The following ANO4 variants were observed in gnomAD, a reference collection of about 807,000 sequenced individuals.
ANO4 encodes the protein anoctamin 4.
ANO4 carries 69 observed loss-of-function variants against 141.9 expected under a neutral mutation model. That is an observed-to-expected ratio of 0.49 (90% CI 0.40 to 0.59). The LOEUF is 0.59. ANO4 is among the 20% of genes least tolerant of loss of function. The pLI, the probability that ANO4 is intolerant of heterozygous loss-of-function variation, is 0.00. For synonymous variants in ANO4, 350 were observed against 394.3 expected (o/e 0.89, Z 1.33); for missense variants, 894 against 1,162.2 (o/e 0.77, Z 3.36).
chr12:101,050,545 A>T (rs961255087), intron 14 of ANO4, among the ~76,000 whole-genome samples: 2 of 152,226 alleles, frequency 1.3e-5, no homozygotes, highest in African/African-American at 4.8e-5. Context: ...TATAATGCTT[A>T]AGCTTTGCCA....
At chr12:101,053,626 T>C (rs1423409199) in intron 14 of ANO4, among the ~76,000 whole-genome samples, 1 of 152,202 alleles carries the variant, frequency 6.6e-6, no homozygotes. Context: ...CCCGTGTCTC[T>C]GTGTCTTCAC....
At chr12:100,901,098 A>G (rs1045648057) in intron 1 of ANO4, among the ~76,000 whole-genome samples, 1 of 152,206 alleles carries the variant, frequency 6.6e-6, no homozygotes, top group Non-Finnish European at 1.5e-5. Context: ...GCAAATCAAC[A>G]ACAAAGGGAG....
intron 14 of ANO4, among the ~76,000 whole-genome samples, chr12:101,050,524 C>T (rs559684295): frequency 6.6e-6 from 1 of 152,210 alleles, no homozygotes; most frequent in African/African-American, 2.4e-5. Flanking sequence ...CACCGTGATT[C>T]GGATAAGCCA....
intron 22 of ANO4, among the ~76,000 whole-genome samples, chr12:101,103,180 ATTTTAT>A (rs2050263222): frequency 5.2e-5 from 1 of 19,330 alleles, no homozygotes; most frequent in African/African-American, 2.2e-4. Context: ...CTTTTTAGTC[ATTTTAT>A]ATATATATAT....
chr12:101,078,023 T>A (rs2049094843), intron 14 of ANO4, among the ~76,000 whole-genome samples: 1 of 152,154 alleles, frequency 6.6e-6, no homozygotes, highest in Non-Finnish European at 1.5e-5. Flanking sequence ...TATCTATCAC[T>A]CTAGACTGTC....
At chr12:100,732,844 T>C (rs2031437408) in intron 1 of ANO4, among the ~76,000 whole-genome samples, 1 of 152,186 alleles carries the variant, frequency 6.6e-6, no homozygotes, top group Admixed American at 6.5e-5. Context: ...GTGCACGAAA[T>C]GTTGTGGGTG....
intron 9 of ANO4, among the ~76,000 whole-genome samples, chr12:101,034,142 A>G (rs1415051986): frequency 6.6e-6 from 1 of 152,216 alleles, no homozygotes; most frequent in Non-Finnish European, 1.5e-5. Context: ...TACTGGGTGT[A>G]TACCTAAAGG....
At chr12:100,941,646 G>T (rs779603118) in intron 4 of ANO4, among the ~76,000 whole-genome samples, 7 of 152,002 alleles carry the variant, frequency 4.6e-5, no homozygotes, top group Non-Finnish European at 8.8e-5. Context: ...AAGTAATGTT[G>T]CCATGAATAT....
chr12:100,800,371 T>C (rs180878838), intron 1 of ANO4, among the ~76,000 whole-genome samples: 3 of 152,334 alleles, frequency 2.0e-5, no homozygotes, highest in African/African-American at 4.8e-5. Flanking sequence ...AGTCTACTTA[T>C]ACTTCATGGA....
chr12:100,977,336 T>C (rs1348732746), intron 7 of ANO4, among the ~76,000 whole-genome samples: 1 of 152,164 alleles, frequency 6.6e-6, no homozygotes, highest in Non-Finnish European at 1.5e-5. Flanking sequence ...AGTCATTTTC[T>C]CCATTTATAT....
intron 1 of ANO4, among the ~76,000 whole-genome samples, chr12:100,896,137 C>T (rs1045404529): frequency 6.6e-6 from 1 of 152,094 alleles, no homozygotes. Flanking sequence ...TAATGGCTCC[C>T]AAATATCTGT....
At position 100,780,173 on chromosome 12, in the gene ANO4, C is replaced by T. The variant is rs140428354; in HGVS notation, c.358+40068C>T. 2.2e-4 allele frequency among the ~76,000 whole-genome samples: 34 copies of T among 152,146 alleles called. No homozygotes were observed. The East Asian group carries it at 5.6e-3, about 25-fold the overall frequency. On this transcript the variant is annotated intron_variant, in intron 3 of 29. Transcript: ENST00000644049. ...CCCGAGTAGCAGAAGCATGATACCACGCCTAGCTAATTTTAAAATTTCTTA... is the reference window on the plus strand; with the variant it reads ...CCCGAGTAGCAGAAGCATGATACCATGCCTAGCTAATTTTAAAATTTCTTA...
chr12:100,957,302 T>C (rs1379848141), intron 5 of ANO4, among the ~76,000 whole-genome samples: 1 of 152,174 alleles, frequency 6.6e-6, no homozygotes, highest in African/African-American at 2.4e-5. Context: ...AACAACCTAC[T>C]TTTGTGGGAC....
chr12:100,946,969 G>A (rs1055648228), intron 5 of ANO4, among the ~76,000 whole-genome samples: 2 of 152,180 alleles, frequency 1.3e-5, no homozygotes, highest in African/African-American at 4.8e-5. Context: ...ATTGGATTTA[G>A]CAATATGGCA....
rs755777158 is a variant in ANO4 at position 101,086,725 on chromosome 12, C to T, written c.1602C>T (p.Phe534=). Residue 534 remains phenylalanine, a synonymous_variant, in exon 17 of 28, where the codon TTC becomes TTT. Coordinates refer to ENST00000392977, the MANE Select transcript of ANO4 (RefSeq NM_001286615.2). ...VIYRVVTVST[F]AAFKWALIRN... ...ACCGGGTGGTGACTGTCAGCACTTT[C>T]GCTGCCTTTAAGTGGGCGTTAATCA... is the stretch of plus-strand genomic sequence containing the variant. 1.7e-5 allele frequency: 28 copies of T among 1,613,820 alleles called. No individual in the cohort carries two copies. Among genetic ancestry groups the T allele is most frequent in the East Asian group, 1.6e-4 (7 of 44,870 alleles).
intron 3 of ANO4, among the ~76,000 whole-genome samples, chr12:100,931,975 T>A (rs2136138999): frequency 6.7e-6 from 1 of 149,562 alleles, no homozygotes; most frequent in Non-Finnish European, 1.5e-5. Context: ...TTCTAAAATA[T>A]TCCCGGAGGT....
At chr12:100,842,342 A>G (rs568414666) in intron 1 of ANO4, 2 of 151,920 alleles carry the variant, frequency 1.3e-5, no homozygotes, top group African/African-American at 4.8e-5. Flanking sequence ...CTCTGTGACC[A>G]CATTATTTTC....
chr12:100,777,238 A>G (rs2135568772), intron 3 of ANO4, among the ~76,000 whole-genome samples: 1 of 132,070 alleles, frequency 7.6e-6, no homozygotes, highest in Non-Finnish European at 1.6e-5. Flanking sequence ...GATTACAGGT[A>G]TACACCACCA....
chr12:100,873,740 C>A (rs1196159316), intron 1 of ANO4, among the ~76,000 whole-genome samples: 1 of 152,186 alleles, frequency 6.6e-6, no homozygotes, highest in East Asian at 1.9e-4. Context: ...GAAGAAAAAT[C>A]CATTTTCTGG....
Sources: gnomAD v4.1 joint callset for allele counts (sites outside exome capture counted in the v4.1 genomes callset) on GRCh38, gnomAD v4.1.1 for gene constraint, MANE v1.5 for transcripts, NCBI Gene and HGNC (gene_info 2026-07-23, HGNC 2026-07-21) for gene names.